MLKL: variants seen among roughly 807,000 people sequenced by gnomAD.
The protein encoded by MLKL is mixed lineage kinase domain-like protein.
A neutral mutation model predicts 56.5 loss-of-function variants in MLKL; 55 were observed. The ratio of observed to expected loss-of-function variants is 0.97; its 90% confidence interval spans 0.78 to 1.22. The LOEUF is 1.22. Among genes scored for constraint, MLKL ranks in the 50% most tolerant of loss-of-function variants. The pLI is 0.00. For missense variants in MLKL, 694 were observed against 573.9 expected (o/e 1.21, Z -2.14); for synonymous variants, 251 against 208.3 (o/e 1.20, Z -1.76).
At chr16:74,680,877 C>A (rs1959926261) in intron 6 of MLKL, among the ~76,000 whole-genome samples, 1 of 152,158 alleles carries the variant, frequency 6.6e-6, no homozygotes, top group Admixed American at 6.6e-5. Context: ...TGGGTTGGAT[C>A]ACAGAGCTTC....
Position 74,675,643 on chromosome 16 carries a change from T to C in MLKL, c.1160A>G (p.Tyr387Cys). The C allele has an allele frequency of 6.2e-7, 1 of 1,613,980 alleles. No homozygotes were observed. Among genetic ancestry groups the C allele is most frequent in the Non-Finnish European group, 8.5e-7 (1 of 1,180,004 alleles). Residue 387 changes from tyrosine to cysteine, a missense_variant, in exon 8 of 11, where the codon TAT (tyrosine) becomes TGT (cysteine). Transcript: ENST00000308807. ...TATTTCAGACTTTACATCATATTGA[T>C]AAAATACATCTTCCAGTTCCTGAGG... ...LSPQELEDVF[Y>C]QYDVKSEIYS...
At position 74,682,637 on chromosome 16, in the gene MLKL, T is replaced by G; in HGVS notation, c.956+14A>C. 1 of 1,613,442 alleles carries G rather than the reference T, an allele frequency of 6.2e-7. No individual in the cohort carries two copies. Among genetic ancestry groups the G allele is most frequent in the Non-Finnish European group, 8.5e-7 (1 of 1,179,884 alleles). ...CCATCCAACCCTTAGTGGCGCCTTT[T>G]CACCCCGTCTTACCGGTATAGGCCT... On this transcript the variant is annotated intron_variant, in intron 6 of 10. Transcript: ENST00000308807.
chr16:74,676,514 T>C, intron 7 of MLKL: 3 of 975,762 alleles, frequency 3.1e-6, no homozygotes, highest in Non-Finnish European at 3.7e-6. Context: ...ACACGTTTCC[T>C]GAGCACTGAC....
At chr16:74,676,186 G>A (rs1452999204) in intron 7 of MLKL, 41 of 958,462 alleles carry the variant, frequency 4.3e-5, no homozygotes, top group Non-Finnish European at 5.0e-5. Context: ...AGAAGCAGAT[G>A]GAAAAATGGC....
intron 1 of MLKL, among the ~76,000 whole-genome samples, chr16:74,696,065 G>T (rs1474952500): frequency 6.6e-6 from 1 of 152,172 alleles, no homozygotes; most frequent in East Asian, 1.9e-4. Flanking sequence ...CTCTACTTCG[G>T]ACTGGGGCAG....
At chr16:74,680,368 A>C (rs1384961139) in intron 6 of MLKL, among the ~76,000 whole-genome samples, 1 of 152,254 alleles carries the variant, frequency 6.6e-6, no homozygotes, top group Non-Finnish European at 1.5e-5. Context: ...CAGTGTTTCC[A>C]AAAGTGTGGG....
intron 9 of MLKL, 65 bp from the exon 10 acceptor site, chr16:74,675,165 G>A (rs1396184723): frequency 6.3e-7 from 1 of 1,593,386 alleles, no homozygotes; most frequent in African/African-American, 1.3e-5. Context: ...TCTGGATGCT[G>A]ATGGCTGGCA....
intron 10 of MLKL, among the ~76,000 whole-genome samples, chr16:74,674,278 G>A (rs893154773): frequency 1.3e-5 from 2 of 150,918 alleles, no homozygotes; most frequent in African/African-American, 4.9e-5. Flanking sequence ...TCAGCCTCCT[G>A]AGTAGCTGGG....
intron 10 of MLKL, 98 bp downstream of exon 10, chr16:74,674,862 C>T (rs1371671225): frequency 9.8e-6 from 14 of 1,435,200 alleles, no homozygotes; most frequent in East Asian, 4.6e-5. Flanking sequence ...AACCACCCCT[C>T]GTTGTAAACT....
chr16:74,683,589 G>C (rs1473496680), intron 5 of MLKL, among the ~76,000 whole-genome samples: 1 of 117,832 alleles, frequency 8.5e-6, no homozygotes, highest in African/African-American at 3.6e-5. Flanking sequence ...ATGAGACTCT[G>C]TCTCAAAAAA....
rs1227288484 is a variant in MLKL at position 74,672,210 on chromosome 16, A to G, written c.*294T>C. ...TTCAAATGGTGGGGAAAGAGACTTC[A>G]TTTATGGAAGGGAGGAGCTGCAAAT... is the stretch of plus-strand genomic sequence containing the variant. On this transcript the variant is annotated 3_prime_UTR_variant, in exon 11 of 11. Coordinates refer to ENST00000308807, the MANE Select transcript of MLKL (RefSeq NM_152649.4). 3.3e-6 allele frequency: 1 copy of G among 307,358 alleles called. No homozygotes were observed. The highest frequency in any genetic ancestry group is 6.1e-6 in the Non-Finnish European group (1 of 164,148). The allele number at this position is 307,358 out of a possible 1,614,324, so 19.0% of individuals were successfully genotyped here. A position where few individuals can be genotyped will look rare whatever the true frequency, so the allele number is the denominator to read the frequency against.
At chr16:74,684,908 A>G (rs796826682) in intron 5 of MLKL, among the ~76,000 whole-genome samples, 22 of 151,936 alleles carry the variant, frequency 1.4e-4, no homozygotes, top group African/African-American at 4.1e-4. Context: ...TCTGTTGCCC[A>G]GGCTGGAATG....
chr16:74,682,087 A>AT (rs1037740492), intron 6 of MLKL, among the ~76,000 whole-genome samples: 126 of 144,402 alleles, frequency 8.7e-4, no homozygotes, highest in African/African-American at 2.8e-3. Context: ...CTCTACAAAA[A>AT]ATATATATAA....
chr16:74,672,608 T>A (rs1042550136), intron 10 of MLKL, 70 bp from the exon 11 acceptor site: 1 of 1,404,182 alleles, frequency 7.1e-7, no homozygotes, highest in Non-Finnish European at 1.0e-6. Context: ...CACAAAGACA[T>A]TTCTACATTG....
At chr16:74,699,038 G>A (rs577909264) in intron 1 of MLKL, among the ~76,000 whole-genome samples, 197 of 151,010 alleles carry the variant, frequency 1.3e-3, no homozygotes, top group Non-Finnish European at 2.3e-3. Flanking sequence ...GCTTGAACCC[G>A]GGAGGTGGAG....
chr16:74,695,637 G>A lies in MLKL; in HGVS notation c.121C>T (p.Pro41Ser), dbSNP rs916129802. Residue 41 changes from proline to serine, a missense_variant, in exon 2 of 11, where the codon CCT becomes TCT. Coordinates refer to ENST00000308807, the MANE Select transcript of MLKL (RefSeq NM_152649.4). The stretch of plus-strand genomic sequence containing the variant: ...CCTTGGTCCTGGAGCATCTCCAGAG[G>A]CTTGATCAGGCCGAGGACGCGGTGG... ...LGHRVLGLIKPLEMLQDQGKR... is the reference protein window; with the variant it reads ...LGHRVLGLIKSLEMLQDQGKR... 3.7e-6 allele frequency: 6 copies of A among 1,614,056 alleles called. No individual in the cohort carries two copies. In the Admixed American group the frequency reaches 1.0e-4, roughly 27 times the overall value.
Position 74,672,204 on chromosome 16 carries a change from G to A in MLKL, c.*300C>T, listed in dbSNP as rs1453980850. The stretch of plus-strand genomic sequence containing the variant: ...CCCAGATTCAAATGGTGGGGAAAGA[G>A]ACTTCATTTATGGAAGGGAGGAGCT... On this transcript the variant is annotated 3_prime_UTR_variant, in exon 11 of 11. Transcript: ENST00000308807. The A allele has an allele frequency of 3.3e-6, 1 of 298,610 alleles. No individual in the cohort carries two copies. The highest frequency in any genetic ancestry group is 2.1e-5 in the African/African-American group (1 of 46,788). The allele number at this position is 298,610 out of a possible 1,614,324, so 18.5% of individuals were successfully genotyped here.
chr16:74,675,376 T>C lies in MLKL; in HGVS notation c.1219A>G (p.Thr407Ala), dbSNP rs751697660. 2.5e-6 allele frequency: 4 copies of C among 1,614,154 alleles called. No individual in the cohort carries two copies. The highest frequency in any genetic ancestry group is 3.4e-6 in the Non-Finnish European group (4 of 1,180,046). ...SFGIVLWEIA[T>A]GDIPFQGCNS... is the part of the protein sequence containing the mutation. ...TCACCTTGAAACGGGATATCTCCAGTGGCGATTTCCCAGAGGACGATTCCA... is the reference window on the plus strand; with the variant it reads ...TCACCTTGAAACGGGATATCTCCAGCGGCGATTTCCCAGAGGACGATTCCA... Residue 407 changes from threonine to alanine, a missense_variant, in exon 9 of 11, where the codon ACT becomes GCT. Transcript: ENST00000308807.
At chr16:74,686,628 C>G (rs1396079672) in intron 4 of MLKL, among the ~76,000 whole-genome samples, 2 of 152,100 alleles carry the variant, frequency 1.3e-5, no homozygotes, top group Admixed American at 6.6e-5. Flanking sequence ...ATCTTATAAC[C>G]AAAATTCCTT....
Sources: gnomAD v4.1 joint callset for allele counts (sites outside exome capture counted in the v4.1 genomes callset) on GRCh38, gnomAD v4.1.1 for gene constraint, MANE v1.5 for transcripts, NCBI Gene and HGNC (gene_info 2026-07-23, HGNC 2026-07-21) for gene names.